Variants in CLIC5 observed in about 807,000 individuals in gnomAD.
The protein encoded by CLIC5 is CLIC family member 5.
In CLIC5, 20 loss-of-function variants were observed where a neutral mutation model predicts 24.7. The observed-to-expected ratio is 0.81, with a 90% CI of 0.57 to 1.18. CLIC5 has a LOEUF of 1.18. CLIC5 is among the 50% of genes most tolerant of loss of function. The pLI, the probability that CLIC5 is intolerant of heterozygous loss-of-function variation, is 0.00. For missense variants in CLIC5, 341 were observed against 326.1 expected, an observed-to-expected ratio of 1.05 and a Z score of -0.35; for synonymous variants, 159 against 135.6, an observed-to-expected ratio of 1.17 and a Z score of -1.20.
At chr6:46,061,479 C>T (rs1762281883) in intron 1 of CLIC5, among the ~76,000 whole-genome samples, 1 of 152,244 alleles carries the variant, frequency 6.6e-6, no homozygotes, top group Non-Finnish European at 1.5e-5. Context: ...GCGTGAGCCA[C>T]CACGCCCAGC....
chr6:45,896,519 TCCA>T (rs1762394598), downstream of CLIC5, among the ~76,000 whole-genome samples: 1 of 152,228 alleles, frequency 6.6e-6, no homozygotes, highest in Non-Finnish European at 1.5e-5. Flanking sequence ...TTCCTACCTC[TCCA>T]GTCTAATACT....
intron 1 of CLIC5, among the ~76,000 whole-genome samples, chr6:45,964,675 G>A (rs535826927): frequency 6.6e-6 from 1 of 152,326 alleles, no homozygotes; most frequent in South Asian, 2.1e-4. Context: ...GAGAATGAAT[G>A]AGATTTCAGA....
chr6:46,093,769 C>A, the CLIC5 span, among the ~76,000 whole-genome samples: 3 of 152,170 alleles, frequency 2.0e-5, no homozygotes, highest in African/African-American at 7.2e-5. Context: ...TCTAGCAGTT[C>A]TTCTCCTAGG....
At position 46,030,646 on chromosome 6, in the gene CLIC5, C is replaced by T. The variant is rs191595539; in HGVS notation, c.540+49057G>A. On this transcript the variant is annotated intron_variant, in intron 1 of 5. Transcript: ENST00000185206. ...CCACCTGACCTCCTGTGCCTTCAGG[C>T]TCTATAGATTCTGGGAAACCCTAAA... Among the ~76,000 whole-genome samples, 497 of 152,316 alleles carry T rather than the reference C, an allele frequency of 3.3e-3. 6 individuals are homozygous for T. The highest frequency in any genetic ancestry group is 0.011 in the African/African-American group (477 of 41,586).
chr6:45,933,360 T>C (rs1170337632), intron 4 of CLIC5, among the ~76,000 whole-genome samples: 1 of 152,220 alleles, frequency 6.6e-6, no homozygotes, highest in African/African-American at 2.4e-5. Flanking sequence ...TCTGGGGACA[T>C]GTGTCCTGGA....
chr6:45,911,249 A>G (rs2127303298), intron 5 of CLIC5, among the ~76,000 whole-genome samples: 1 of 152,186 alleles, frequency 6.6e-6, no homozygotes, highest in South Asian at 2.1e-4. Flanking sequence ...ACTTCCTTAA[A>G]TTCTCTCTGT....
At chr6:46,013,916 C>A (rs1473837631) in intron 1 of CLIC5, among the ~76,000 whole-genome samples, 1 of 152,206 alleles carries the variant, frequency 6.6e-6, no homozygotes, top group Admixed American at 6.5e-5. Context: ...GGGCCCAGGC[C>A]TGGATGCTGG....
intron 1 of CLIC5, among the ~76,000 whole-genome samples, chr6:45,996,647 A>C (rs1446506767): frequency 1.3e-5 from 2 of 152,226 alleles, no homozygotes; most frequent in African/African-American, 4.8e-5. Flanking sequence ...GAACTCAAAC[A>C]AATTTACAGG....
chr6:45,999,906 C>A (rs1421176566), intron 1 of CLIC5, among the ~76,000 whole-genome samples: 1 of 86,294 alleles, frequency 1.2e-5, no homozygotes, highest in Non-Finnish European at 2.3e-5. Flanking sequence ...CCACCGCGCC[C>A]GGCTAATTTT....
At chr6:46,016,942 C>G (rs1051511964), upstream of CLIC5, among the ~76,000 whole-genome samples, 5 of 152,248 alleles carry the variant, frequency 3.3e-5, no homozygotes, top group African/African-American at 1.2e-4. Context: ...ATTCATTCTT[C>G]TGTCAATGGA....
At chr6:45,947,582 G>A (rs957107823) in intron 3 of CLIC5, among the ~76,000 whole-genome samples, 1 of 152,158 alleles carries the variant, frequency 6.6e-6, no homozygotes, top group Non-Finnish European at 1.5e-5. Flanking sequence ...ACTCCTGAGT[G>A]CCAGTGTTAC....
chr6:46,099,391 GA>G, the CLIC5 span, among the ~76,000 whole-genome samples: 1 of 152,128 alleles, frequency 6.6e-6, no homozygotes, highest in Non-Finnish European at 1.5e-5. Flanking sequence ...CTGAAAGGGA[GA>G]AAAAAGTATT....
chr6:45,974,779 G>A (rs1464632450), intron 1 of CLIC5, among the ~76,000 whole-genome samples: 3 of 152,048 alleles, frequency 2.0e-5, no homozygotes, highest in South Asian at 2.1e-4. Flanking sequence ...AAGGTAACAT[G>A]TGTGGATATA....
At chr6:46,080,530 A>G (rs1389403087), upstream of CLIC5, among the ~76,000 whole-genome samples, 1 of 152,228 alleles carries the variant, frequency 6.6e-6, no homozygotes, top group Non-Finnish European at 1.5e-5. Context: ...CAGTAACTCC[A>G]AGATTCTTTG....
the CLIC5 span, among the ~76,000 whole-genome samples, chr6:46,101,060 T>C: frequency 1.3e-5 from 2 of 152,152 alleles, no homozygotes; most frequent in Non-Finnish European, 2.9e-5. Flanking sequence ...ATACATCTCA[T>C]AGAAGAGAAA....
intron 1 of CLIC5, among the ~76,000 whole-genome samples, chr6:45,985,555 G>T (rs1361103708): frequency 6.6e-6 from 1 of 151,996 alleles, no homozygotes; most frequent in Non-Finnish European, 1.5e-5. Flanking sequence ...CTCCAGACCT[G>T]CTCTCTAGCC....
Position 45,881,167 on chromosome 6 carries a change from CT to C in CLIC5, c.644del (p.Lys215ArgfsTer42). Reference sequence around the variant, plus strand: ...TGCTTCTTCCTCTACTCCATGCCCCCTTTTTTTCAACAAAAAGAAAGCTGAA... The same window carrying C: ...TGCTTCTTCCTCTACTCCATGCCCCCTTTTTTCAACAAAAAGAAAGCTGAA... On this transcript the variant is annotated frameshift_variant, in exon 7 of 7. Coordinates refer to the CLIC5 transcript ENST00000644324. LOFTEE classifies it low-confidence loss of function (END_TRUNC). The C allele has an allele frequency of 7.5e-6, 3 of 398,030 alleles. No individual in the cohort carries two copies. Among genetic ancestry groups the C allele is most frequent in the African/African-American group, 6.2e-5 (3 of 48,600 alleles). The allele number at this position is 398,030 out of a possible 1,614,324, so 24.7% of individuals were successfully genotyped here. A position where few individuals can be genotyped will look rare whatever the true frequency, so the allele number is the denominator to read the frequency against.
chr6:45,960,636 C>T (rs1454684145), intron 1 of CLIC5, among the ~76,000 whole-genome samples: 1 of 152,218 alleles, frequency 6.6e-6, no homozygotes, highest in Non-Finnish European at 1.5e-5. Context: ...ACACAGAAAC[C>T]AAAGTCCCCA....
the CLIC5 span, among the ~76,000 whole-genome samples, chr6:46,124,098 G>C: frequency 1.3e-5 from 2 of 152,032 alleles, no homozygotes; most frequent in African/African-American, 2.4e-5. Flanking sequence ...AGTTCATATG[G>C]AACCAAAAAA....
Sources: gnomAD v4.1 joint callset for allele counts (sites outside exome capture counted in the v4.1 genomes callset) on GRCh38, gnomAD v4.1.1 for gene constraint, MANE v1.5 for transcripts, NCBI Gene and HGNC (gene_info 2026-07-23, HGNC 2026-07-21) for gene names.